ITGA1: variants seen among roughly 807,000 people sequenced by gnomAD.
ITGA1 encodes integrin alpha-1.
A neutral mutation model predicts 145.9 loss-of-function variants in ITGA1; 85 were observed. The ratio of observed to expected loss-of-function variants is 0.58; its 90% CI spans 0.49 to 0.70. The LOEUF is 0.70. ITGA1 is among the 30% of genes least tolerant of loss of function. The probability of loss-of-function intolerance (pLI) is 0.00; values close to 1 mark genes in which losing one functional copy is unlikely to be tolerated. For synonymous variants in ITGA1, 520 were observed against 495.3 expected (o/e 1.05, Z -0.66); for missense variants, 1,351 against 1,418.7 (o/e 0.95, Z 0.77).
At chr5:52,887,540 C>A (rs1195958556) in intron 7 of ITGA1, among the ~76,000 whole-genome samples, 1 of 152,184 alleles carries the variant, frequency 6.6e-6, no homozygotes, top group African/African-American at 2.4e-5. Flanking sequence ...CACACCCTCC[C>A]TTTGAAATTT....
chr5:52,838,009 T>A (rs1297613813), intron 1 of ITGA1, among the ~76,000 whole-genome samples: 1 of 152,232 alleles, frequency 6.6e-6, no homozygotes, highest in Non-Finnish European at 1.5e-5. Flanking sequence ...TTAATGCCCT[T>A]TAAAATACTT....
intron 6 of ITGA1, among the ~76,000 whole-genome samples, chr5:52,868,291 G>C (rs936593573): frequency 6.6e-6 from 1 of 152,122 alleles, no homozygotes; most frequent in East Asian, 1.9e-4. Context: ...GTGCAGCTGT[G>C]ACATGTCTGA....
At chr5:52,846,787 AG>A (rs1436827409) in intron 1 of ITGA1, among the ~76,000 whole-genome samples, 1 of 152,206 alleles carries the variant, frequency 6.6e-6, no homozygotes, top group Non-Finnish European at 1.5e-5. Context: ...ATACTTGCAG[AG>A]ACCCTCCCAA....
Position 52,925,372 on chromosome 5 carries a change from G to A in ITGA1, c.2498G>A (p.Arg833Gln), listed in dbSNP as rs953901295. ...ATTEKDLLIV[R>Q]SQNDKFNVSL... The stretch of plus-strand genomic sequence containing the variant: ...ACTGAAAAGGACCTGCTGATTGTCC[G>A]ATCCCAGAATGATAAGTTCAACGTT... Residue 833 changes from arginine (R) to glutamine (Q), a missense_variant, in exon 19 of 29, where the codon CGA (arginine) becomes CAA (glutamine). Physicochemically the swap from Arg to Gln is conservative, Grantham distance 43. Transcript: ENST00000282588. The A allele has an allele frequency of 2.5e-6, 4 of 1,614,000 alleles. No individual in the cohort carries two copies. The highest frequency in any genetic ancestry group is 3.4e-6 in the Non-Finnish European group (4 of 1,179,868).
chr5:52,951,575 C>T (rs1200810456), intron 28 of ITGA1, among the ~76,000 whole-genome samples: 2 of 152,072 alleles, frequency 1.3e-5, no homozygotes, highest in East Asian at 3.9e-4. Context: ...TTTCAAGAGG[C>T]TTTTTATATC....
chr5:52,896,988 A>G (rs925485965), intron 9 of ITGA1, among the ~76,000 whole-genome samples: 1 of 152,142 alleles, frequency 6.6e-6, no homozygotes, highest in Non-Finnish European at 1.5e-5. Flanking sequence ...TATGGGTGGG[A>G]CTGATGGAGT....
intron 27 of ITGA1, among the ~76,000 whole-genome samples, chr5:52,946,129 A>G (rs964707094): frequency 1.3e-5 from 2 of 152,224 alleles, no homozygotes; most frequent in African/African-American, 4.8e-5. Context: ...ATATTGATAA[A>G]ATTACTAAAA....
chr5:52,847,325 T>G (rs1367566215), intron 1 of ITGA1, among the ~76,000 whole-genome samples: 1 of 152,142 alleles, frequency 6.6e-6, no homozygotes, highest in African/African-American at 2.4e-5. Flanking sequence ...ATTAGAGTAG[T>G]GTGGATTTAA....
At chr5:52,927,701 T>G in intron 20 of ITGA1, 37 bp downstream of exon 20, 1 of 1,303,580 alleles carries the variant, frequency 7.7e-7, no homozygotes, top group Non-Finnish European at 1.1e-6. Context: ...AGAAATTGAA[T>G]ATGAAAAGTA....
At chr5:52,839,053 C>T (rs1204109372) in intron 1 of ITGA1, among the ~76,000 whole-genome samples, 1 of 152,168 alleles carries the variant, frequency 6.6e-6, no homozygotes, top group South Asian at 2.1e-4. Context: ...GCCATGATTG[C>T]ACCACTGCAT....
At chr5:52,951,718 A>G (rs1280773249) in intron 28 of ITGA1, among the ~76,000 whole-genome samples, 2 of 152,142 alleles carry the variant, frequency 1.3e-5, no homozygotes, top group South Asian at 2.1e-4. Flanking sequence ...ATGGTCATCG[A>G]TCATTTGATG....
chr5:52,796,111 A>C (rs1561209986), intron 1 of ITGA1, among the ~76,000 whole-genome samples: 1 of 152,024 alleles, frequency 6.6e-6, no homozygotes, highest in Non-Finnish European at 1.5e-5. Flanking sequence ...TTAGAAATTT[A>C]ATTATTGAAT....
chr5:52,849,253 TTTTTTAATAGAAAC>T, intron 1 of ITGA1, 98 bp from the exon 2 acceptor site: 1 of 909,482 alleles, frequency 1.1e-6, no homozygotes, highest in Non-Finnish European at 1.6e-6. Context: ...GAGCTTCTTT[TTTTTTAATAGAAAC>T]AGCTTTCGAT....
rs138407920 is a variant in ITGA1 at position 52,861,531 on chromosome 5, A to G, written c.267A>G (p.Ser89=). ...VYKCPVGRGE[S]LPCVKLDLPV... is the part of the protein sequence containing the mutation. Reference sequence around the variant, plus strand: ...AGTGTCCAGTTGGGAGAGGTGAATCATTACCTTGTGTAAAGTTGGATCTAC... The same window carrying G: ...AGTGTCCAGTTGGGAGAGGTGAATCGTTACCTTGTGTAAAGTTGGATCTAC... The change falls in exon 3 of 29, where the codon TCA becomes TCG. Residue 89 remains serine (S), a synonymous_variant. Transcript: ENST00000282588. The G allele has an allele frequency of 6.8e-6, 11 of 1,612,986 alleles. No homozygotes were observed. The highest frequency in any genetic ancestry group is 9.3e-6 in the Non-Finnish European group (11 of 1,179,198).
At position 52,929,624 on chromosome 5, in the gene ITGA1, G is replaced by C; in HGVS notation, c.2695-1G>C. 1 of 1,467,590 alleles carries C rather than the reference G, an allele frequency of 6.8e-7. No individual in the cohort carries two copies. The highest frequency in any genetic ancestry group is 2.3e-5 in the East Asian group (1 of 43,850). The allele number at this position is 1,467,590 out of a possible 1,614,324, so 90.9% of individuals were successfully genotyped here. On this transcript the variant is annotated splice_acceptor_variant, in intron 20 of 28. Coordinates refer to ENST00000282588, the MANE Select transcript of ITGA1 (RefSeq NM_181501.2). LOFTEE classifies it high-confidence loss of function. ...ACTAAAGACATATTTTTATTTTATA[G>C]GTAACTTTCAAAATATTGTTTCAGT...
intron 11 of ITGA1, among the ~76,000 whole-genome samples, chr5:52,898,632 C>T (rs1003125826): frequency 4.6e-5 from 7 of 151,944 alleles, no homozygotes; most frequent in African/African-American, 1.2e-4. Context: ...TTGATATGTG[C>T]CCTTTCTGAT....
chr5:52,816,111 G>GT lies in ITGA1; in HGVS notation c.61+27704dup, dbSNP rs560928496. 1.4e-3 allele frequency among the ~76,000 whole-genome samples: 211 copies of GT among 152,086 alleles called. 1 individual carries two copies. Among genetic ancestry groups the GT allele is most frequent in the Non-Finnish European group, 2.3e-3 (154 of 67,986 alleles). On this transcript the variant is annotated intron_variant, in intron 1 of 28. Transcript: ENST00000282588. ...TGCAAACTAAGTTACAACCTATTGT[G>GT]TTTTTTTAATTGATTGAGATTATTA...
At chr5:52,848,412 C>G (rs1485999011) in intron 1 of ITGA1, among the ~76,000 whole-genome samples, 1 of 152,180 alleles carries the variant, frequency 6.6e-6, no homozygotes, top group Non-Finnish European at 1.5e-5. Context: ...CTATCTGCAA[C>G]TGTATTAGTC....
rs567749612 is a variant in ITGA1, at chr5:52,954,150, A to T, written c.*1699A>T. On this transcript the variant is annotated 3_prime_UTR_variant, in exon 29 of 29. Coordinates refer to ENST00000282588, the MANE Select transcript of ITGA1 (RefSeq NM_181501.2). ...TGCTGGCCTGTCATTATTTGGAAAT[A>T]CGCGCTTTTGGAATTTCCTTCATTT... The T allele has an allele frequency of 3.9e-5, 6 of 152,294 alleles. No individual in the cohort carries two copies. In the East Asian group the frequency reaches 1.2e-3, roughly 29 times the overall value. The allele number at this position is 152,294 out of a possible 1,614,324, so 9.4% of individuals were successfully genotyped here. A position where few individuals can be genotyped will look rare whatever the true frequency, so the allele number is the denominator to read the frequency against.
Sources: allele counts gnomAD v4.1 joint callset (sites outside exome capture counted in the v4.1 genomes callset), GRCh38; gene constraint gnomAD v4.1.1; transcripts MANE v1.5; gene names NCBI Gene and HGNC (gene_info 2026-07-23, HGNC 2026-07-21).